Variants in MELK observed in about 807,000 individuals in gnomAD.
The protein encoded by MELK is maternal embryonic leucine zipper kinase.
MELK carries 81 observed loss-of-function variants against 85.0 expected under a neutral mutation model. That is an observed-to-expected ratio of 0.95 (90% CI 0.80 to 1.15). The LOEUF (loss-of-function observed/expected upper bound fraction) is 1.15, where lower values mean the gene tolerates loss of function less well. MELK is among the 50% of genes most tolerant of loss of function. The pLI is 0.00. For missense variants in MELK, 754 were observed against 777.5 expected, an observed-to-expected ratio of 0.97 and a Z score of 0.36; for synonymous variants, 252 against 265.0, an observed-to-expected ratio of 0.95 and a Z score of 0.48.
chr9:36,573,833 G>C (rs566664871), intron 1 of MELK, among the ~76,000 whole-genome samples: 1 of 152,278 alleles, frequency 6.6e-6, no homozygotes, highest in East Asian at 1.9e-4. Flanking sequence ...ACCGAATGCT[G>C]TATCAGTAAT....
intron 13 of MELK, among the ~76,000 whole-genome samples, chr9:36,664,453 T>TG (rs1452808559): frequency 6.6e-6 from 1 of 152,200 alleles, no homozygotes; most frequent in African/African-American, 2.4e-5. Context: ...ACCAGGTTCC[T>TG]GGGGCACAAC....
intron 14 of MELK, among the ~76,000 whole-genome samples, chr9:36,666,087 C>A (rs1467754224): frequency 1.3e-5 from 2 of 152,206 alleles, no homozygotes; most frequent in Non-Finnish European, 2.9e-5. Context: ...AGGGTGAATC[C>A]ATGATGCCCT....
At chr9:36,618,720 C>T (rs998741827) in intron 8 of MELK, among the ~76,000 whole-genome samples, 5 of 152,154 alleles carry the variant, frequency 3.3e-5, no homozygotes, top group Non-Finnish European at 5.9e-5. Flanking sequence ...TTCATTAAAC[C>T]GTATACTATA....
At chr9:36,615,101 C>T (rs1587439220) in intron 8 of MELK, among the ~76,000 whole-genome samples, 3 of 117,528 alleles carry the variant, frequency 2.6e-5, no homozygotes, top group South Asian at 3.2e-4. Flanking sequence ...CCGGACGGGG[C>T]GGCTGGCCGG....
chr9:36,677,163 T>C lies in MELK; in HGVS notation c.1782T>C (p.Tyr594=), dbSNP rs957293558. The C allele has an allele frequency of 2.3e-5, 37 of 1,613,070 alleles. No individual in the cohort carries two copies. The highest frequency in any genetic ancestry group is 8.3e-5 in the Admixed American group (5 of 59,952). ...KKHVDFVQKG[Y]TLKCQTQSDF... ...CTTCTTATCTTGTTTTTCACAGTTA[T>C]ACACTGAAGTGTCAAACACAGTCAG... is the stretch of plus-strand genomic sequence containing the variant. Residue 594 remains tyrosine, a synonymous_variant, in exon 18 of 18, where the codon TAT becomes TAC. Transcript: ENST00000298048.
chr9:36,647,215 A>G (rs1286646073), intron 11 of MELK, among the ~76,000 whole-genome samples: 1 of 152,172 alleles, frequency 6.6e-6, no homozygotes, highest in Non-Finnish European at 1.5e-5. Context: ...AACTCTTAGC[A>G]CTATCCAGGA....
chr9:36,614,099 C>CTT (rs112322490), intron 8 of MELK, among the ~76,000 whole-genome samples: 276 of 139,732 alleles, frequency 2.0e-3, no homozygotes, highest in Middle Eastern at 7.2e-3. Flanking sequence ...TACTAGATGT[C>CTT]TTTTTTTTTT....
intron 7 of MELK, among the ~76,000 whole-genome samples, chr9:36,601,087 C>T (rs1824872448): frequency 6.6e-6 from 1 of 151,816 alleles, no homozygotes; most frequent in Non-Finnish European, 1.5e-5. Flanking sequence ...CTCAATATTT[C>T]TATATATATT....
intron 14 of MELK, among the ~76,000 whole-genome samples, chr9:36,666,040 TTC>T (rs1223472017): frequency 6.6e-6 from 1 of 152,194 alleles, no homozygotes; most frequent in Non-Finnish European, 1.5e-5. Flanking sequence ...TCTGGTCCTG[TTC>T]TGCCCTATGG....
intron 12 of MELK, among the ~76,000 whole-genome samples, chr9:36,654,169 A>G (rs1434432671): frequency 6.6e-6 from 1 of 152,102 alleles, no homozygotes; most frequent in Non-Finnish European, 1.5e-5. Flanking sequence ...TTCAGGTGCA[A>G]GTAACACATC....
At chr9:36,622,753 A>G (rs562946551) in intron 8 of MELK, among the ~76,000 whole-genome samples, 1 of 152,334 alleles carries the variant, frequency 6.6e-6, no homozygotes, top group Admixed American at 6.5e-5. Context: ...TATTTTTACA[A>G]TTACGGAGTT....
At chr9:36,620,178 T>C (rs1224838447) in intron 8 of MELK, among the ~76,000 whole-genome samples, 1 of 152,208 alleles carries the variant, frequency 6.6e-6, no homozygotes, top group Non-Finnish European at 1.5e-5. Context: ...TGAAATATTG[T>C]TTCTCAGCTC....
chr9:36,656,354 G>A (rs1831241607), intron 12 of MELK, among the ~76,000 whole-genome samples: 1 of 152,214 alleles, frequency 6.6e-6, no homozygotes, highest in Non-Finnish European at 1.5e-5. Context: ...ATGAAAAGTA[G>A]TATGCTATAT....
At chr9:36,610,315 A>G (rs994677480) in intron 8 of MELK, among the ~76,000 whole-genome samples, 1 of 152,208 alleles carries the variant, frequency 6.6e-6, no homozygotes, top group African/African-American at 2.4e-5. Flanking sequence ...TTTGACTTAT[A>G]GTTTTTCCTA....
intron 1 of MELK, among the ~76,000 whole-genome samples, chr9:36,576,558 T>C (rs1307057230): frequency 2.6e-5 from 4 of 152,096 alleles, no homozygotes; most frequent in Non-Finnish European, 2.9e-5. Flanking sequence ...TGAGCTGGAG[T>C]CTCACTCCTG....
intron 8 of MELK, among the ~76,000 whole-genome samples, chr9:36,620,348 A>G (rs1190530515): frequency 6.6e-6 from 1 of 152,170 alleles, no homozygotes; most frequent in Non-Finnish European, 1.5e-5. Flanking sequence ...TTTAGGTATT[A>G]CTGTGCATAG....
At position 36,630,323 on chromosome 9, in the gene MELK, T is replaced by G. The variant is rs1371576447; in HGVS notation, c.691T>G (p.Trp231Gly). 1 of 1,612,498 alleles carries G rather than the reference T, an allele frequency of 6.2e-7. No individual in the cohort carries two copies. The highest frequency in any genetic ancestry group is 8.5e-7 in the Non-Finnish European group (1 of 1,179,096). ...IMRGKYDVPK[W>G]LSPSSILLLQ... is the part of the protein sequence containing the mutation. ...GAGAGGAAAATATGATGTTCCCAAGTGGCTCTCTCCCAGTAGCATTCTGCT... is the reference window on the plus strand; with the variant it reads ...GAGAGGAAAATATGATGTTCCCAAGGGGCTCTCTCCCAGTAGCATTCTGCT... Residue 231 changes from tryptophan to glycine, a missense_variant, in exon 9 of 18, where the codon TGG becomes GGG. By Grantham distance (184) the Trp-to-Gly change is radical (BLOSUM62 -2). Transcript: ENST00000298048.
chr9:36,636,711 T>C (rs962963932), intron 10 of MELK, among the ~76,000 whole-genome samples: 1 of 147,976 alleles, frequency 6.8e-6, no homozygotes, highest in Non-Finnish European at 1.5e-5. Flanking sequence ...ACCTGGACTT[T>C]TTTATGTAGC....
chr9:36,654,547 G>A (rs1324999013), intron 12 of MELK, among the ~76,000 whole-genome samples: 1 of 151,554 alleles, frequency 6.6e-6, no homozygotes, highest in African/African-American at 2.4e-5. Flanking sequence ...GTAGAGATGG[G>A]ATTTCACCAT....
Sources: allele counts gnomAD v4.1 joint callset (sites outside exome capture counted in the v4.1 genomes callset), GRCh38; gene constraint gnomAD v4.1.1; transcripts MANE v1.5; gene names NCBI Gene and HGNC (gene_info 2026-07-23, HGNC 2026-07-21).